Variants in PHKB observed in about 807,000 individuals in gnomAD.
PHKB encodes phosphorylase b kinase regulatory subunit beta.
PHKB carries 122 observed loss-of-function variants against 152.1 expected under a neutral mutation model. That is an observed-to-expected ratio of 0.80 (90% CI 0.69 to 0.93). The LOEUF is 0.93. Ranked by LOEUF, PHKB falls within the 40% of genes least tolerant of loss-of-function variation. PHKB has a pLI of 0.00. For synonymous variants in PHKB, 436 were observed against 464.9 expected (o/e 0.94, Z 0.80); for missense variants, 1,304 against 1,328.4 (o/e 0.98, Z 0.29).
rs76507882 is a variant in PHKB at position 47,672,279 on chromosome 16, A to G, written c.2630+2862A>G. 9.2e-5 allele frequency among the ~76,000 whole-genome samples: 14 copies of G among 152,286 alleles called. No homozygotes were observed. In the East Asian group the frequency reaches 2.5e-3, roughly 27 times the overall value. On this transcript the variant is annotated intron_variant, in intron 26 of 30. Transcript: ENST00000323584. Reference sequence around the variant, plus strand: ...GATTCAGAGCTATTTTGAATCAGTTATAAGAACTTTGAGTTATATCCTGAT... The same window carrying G: ...GATTCAGAGCTATTTTGAATCAGTTGTAAGAACTTTGAGTTATATCCTGAT...
intron 25 of PHKB, among the ~76,000 whole-genome samples, chr16:47,667,610 G>C (rs1973561859): frequency 6.6e-6 from 1 of 152,144 alleles, no homozygotes; most frequent in Non-Finnish European, 1.5e-5. Flanking sequence ...CTCACCTCCA[G>C]CCAGAGTCTT....
At chr16:47,531,662 C>T (rs1970863184) in intron 6 of PHKB, among the ~76,000 whole-genome samples, 1 of 152,156 alleles carries the variant, frequency 6.6e-6, no homozygotes. Flanking sequence ...CTTGGATTCT[C>T]TACCCACTTT....
chr16:47,506,708 T>G (rs1309081840), intron 4 of PHKB, among the ~76,000 whole-genome samples: 1 of 152,216 alleles, frequency 6.6e-6, no homozygotes, highest in East Asian at 1.9e-4. Flanking sequence ...TGTATTAGTT[T>G]AAGGCAGGGG....
chr16:47,686,014 A>G (rs1031752851), intron 26 of PHKB, among the ~76,000 whole-genome samples: 29 of 152,190 alleles, frequency 1.9e-4, no homozygotes, highest in Admixed American at 1.6e-3. Flanking sequence ...TGCTGGGATT[A>G]CCGGCATGAG....
intron 16 of PHKB, among the ~76,000 whole-genome samples, chr16:47,644,109 A>G (rs1412270090): frequency 1.4e-5 from 2 of 141,744 alleles, no homozygotes; most frequent in Non-Finnish European, 3.1e-5. Flanking sequence ...AAAGAGTAGT[A>G]TTTAAAGGAC....
intron 6 of PHKB, among the ~76,000 whole-genome samples, chr16:47,523,705 C>T (rs1421828510): frequency 6.6e-6 from 1 of 152,120 alleles, no homozygotes; most frequent in African/African-American, 2.4e-5. Context: ...CACTTCATCC[C>T]CCAGGTTTAA....
At chr16:47,567,925 T>C (rs745518003) in intron 7 of PHKB, among the ~76,000 whole-genome samples, 1 of 152,202 alleles carries the variant, frequency 6.6e-6, no homozygotes, top group Non-Finnish European at 1.5e-5. Flanking sequence ...CAACGCGCTG[T>C]TGGATTCAGT....
At chr16:47,602,542 CTTTTTTT>C (rs34655174) in intron 13 of PHKB, among the ~76,000 whole-genome samples, 23 of 122,678 alleles carry the variant, frequency 1.9e-4, no homozygotes, top group Admixed American at 6.9e-4. Flanking sequence ...GCTTCTCTTC[CTTTTTTT>C]TTTTTTTTTT....
At chr16:47,634,897 G>A (rs746316279) in intron 14 of PHKB, among the ~76,000 whole-genome samples, 1 of 152,090 alleles carries the variant, frequency 6.6e-6, no homozygotes, top group African/African-American at 2.4e-5. Flanking sequence ...TTTTAGGCAG[G>A]GTGTTCATAA....
At chr16:47,594,980 A>G (rs1972092896) in intron 12 of PHKB, among the ~76,000 whole-genome samples, 1 of 152,218 alleles carries the variant, frequency 6.6e-6, no homozygotes, top group South Asian at 2.1e-4. Context: ...TTATATGCTC[A>G]CTAACATGCT....
At chr16:47,662,140 T>C (rs1973456255) in intron 23 of PHKB, among the ~76,000 whole-genome samples, 1 of 152,222 alleles carries the variant, frequency 6.6e-6, no homozygotes, top group South Asian at 2.1e-4. Flanking sequence ...CTCTAATTTT[T>C]CAAGAATAAC....
chr16:47,547,566 G>A lies in PHKB; in HGVS notation c.710+18G>A. On this transcript the variant is annotated intron_variant, in intron 7 of 30. Transcript: ENST00000323584. The stretch of plus-strand genomic sequence containing the variant: ...CATTCGAGGTAATTTGCTGATTTCT[G>A]AGGTTTTTTTTTTAAATTAAATGTA... 4 of 1,402,578 alleles carry A rather than the reference G, an allele frequency of 2.9e-6. 1 individual carries two copies. The South Asian group carries it at 4.7e-5, about 16-fold the overall frequency. The allele number at this position is 1,402,578 out of a possible 1,614,324, so 86.9% of individuals were successfully genotyped here.
Position 47,662,061 on chromosome 16 carries a change from C to T in PHKB, c.2278+261C>T, listed in dbSNP as rs187868812. Among the ~76,000 whole-genome samples, 258 of 152,214 alleles carry T rather than the reference C, an allele frequency of 1.7e-3. 2 individuals are homozygous for T. Among genetic ancestry groups the T allele is most frequent in the African/African-American group, 5.9e-3 (245 of 41,534 alleles). On this transcript the variant is annotated intron_variant, in intron 23 of 30. Coordinates refer to ENST00000323584, the MANE Select transcript of PHKB (RefSeq NM_000293.3). Reference sequence around the variant, plus strand: ...GAAAAGTATTGGAGCTTGGATTGTGCCTGTGACTGTTAACGTCTGATGAAT... The same window carrying T: ...GAAAAGTATTGGAGCTTGGATTGTGTCTGTGACTGTTAACGTCTGATGAAT...
intron 26 of PHKB, among the ~76,000 whole-genome samples, chr16:47,682,242 G>A (rs1973873529): frequency 6.6e-6 from 1 of 152,082 alleles, no homozygotes; most frequent in African/African-American, 2.4e-5. Flanking sequence ...ATGTGTCTTG[G>A]AGTTGCTCTT....
At chr16:47,559,010 C>G (rs1597085119) in intron 7 of PHKB, among the ~76,000 whole-genome samples, 1 of 152,194 alleles carries the variant, frequency 6.6e-6, no homozygotes, top group Non-Finnish European at 1.5e-5. Context: ...TTTCTCTTTA[C>G]ATTTCAAAAT....
Position 47,580,342 on chromosome 16 carries a change from A to T in PHKB, c.758A>T (p.Asn253Ile), listed in dbSNP as rs755893390. Residue 253 changes from asparagine (N) to isoleucine (I), a missense_variant, in exon 8 of 31, where the codon AAC becomes ATC. By Grantham distance (149) the Asn-to-Ile change is moderately radical (BLOSUM62 -3). Transcript: ENST00000323584. ...GCTCTAGAAGCAATTAATGGATTCA[A>T]CCTTTTTGGCAACCAGGTAAAAAAT... ...KAALEAINGF[N>I]LFGNQGCSWS... 1 of 1,612,048 alleles carries T rather than the reference A, an allele frequency of 6.2e-7. No homozygotes were observed. Among genetic ancestry groups the T allele is most frequent in the Non-Finnish European group, 8.5e-7 (1 of 1,178,314 alleles).
chr16:47,511,918 G>A (rs532482864), intron 5 of PHKB, 146 bp downstream of exon 5: 28 of 668,744 alleles, frequency 4.2e-5, no homozygotes, highest in Non-Finnish European at 5.7e-5. Flanking sequence ...GGATGAAACC[G>A]TTCCATCTCA....
chr16:47,677,793 A>G (rs905717344), intron 26 of PHKB, among the ~76,000 whole-genome samples: 4 of 151,568 alleles, frequency 2.6e-5, no homozygotes, highest in Admixed American at 1.3e-4. Context: ...TTATACTTTA[A>G]GTTTTAGGTT....
chr16:47,666,534 T>C (rs999829361), intron 25 of PHKB, among the ~76,000 whole-genome samples: 1 of 152,172 alleles, frequency 6.6e-6, no homozygotes, highest in African/African-American at 2.4e-5. Context: ...CTCTGTCACC[T>C]CCTCCTCACG....
Sources: allele counts gnomAD v4.1 joint callset (sites outside exome capture counted in the v4.1 genomes callset), GRCh38; gene constraint gnomAD v4.1.1; transcripts MANE v1.5; gene names NCBI Gene and HGNC (gene_info 2026-07-23, HGNC 2026-07-21).